Variants in BCOR observed in about 807,000 individuals in gnomAD.
BCOR encodes the protein BCL-6 corepressor.
BCOR carries 10 observed loss-of-function variants against 86.7 expected under a neutral mutation model. The ratio of observed to expected loss-of-function variants is 0.12; its 90% CI spans 0.07 to 0.20. The LOEUF (loss-of-function observed/expected upper bound fraction) is 0.20. Ranked by LOEUF, BCOR falls within the 10% of genes least tolerant of loss-of-function variation. The pLI is 1.00. For synonymous variants in BCOR, 611 were observed against 609.0 expected (o/e 1.00, Z -0.05); for missense variants, 1,259 against 1,452.1 (o/e 0.87, Z 2.16).
intron 1 of BCOR, among the ~76,000 whole-genome samples, chrX:40,093,444 T>C (rs536046626): frequency 4.5e-5 from 5 of 111,671 alleles, no homozygotes; most frequent in African/African-American, 1.3e-4. Context: ...TAATGAGTTA[T>C]TTATGTATAG....
chrX:40,094,507 G>C (rs943826540), intron 1 of BCOR, among the ~76,000 whole-genome samples: 1 of 113,112 alleles, frequency 8.8e-6, no homozygotes, highest in Admixed American at 9.2e-5. Context: ...CCCGGCTGCC[G>C]GGGCACAGTC....
Position 40,064,316 on chromosome X carries a change from G to A in BCOR, c.3502+20C>T, listed in dbSNP as rs201796813. ...CAAAGGCCCACCCCCCGGCAGGCGG[G>A]CGAAGCAGACAGGGCTCACCTTTAG... On this transcript the variant is annotated intron_variant, in intron 7 of 14. Coordinates refer to ENST00000378444, the MANE Select transcript of BCOR (RefSeq NM_001123385.2). 11 of 1,210,941 alleles carry A rather than the reference G, an allele frequency of 9.1e-6. No individual in the cohort carries two copies. The highest frequency in any genetic ancestry group is 5.2e-5 in the African/African-American group (3 of 57,611).
intron 1 of BCOR, among the ~76,000 whole-genome samples, chrX:40,172,323 C>T (rs1938642449): frequency 8.9e-6 from 1 of 112,441 alleles, no homozygotes; most frequent in Non-Finnish European, 1.9e-5. Context: ...CAGGTCCTCG[C>T]CAGCAGCCGT....
At chrX:40,080,382 G>A (rs1230320927) in intron 1 of BCOR, among the ~76,000 whole-genome samples, 3 of 110,837 alleles carry the variant, frequency 2.7e-5, no homozygotes, top group Admixed American at 9.5e-5. Context: ...TGGAGGTTGC[G>A]GTGAGCCGAG....
Position 40,074,085 on chromosome X carries a change from C to G in BCOR, c.1261G>C (p.Gly421Arg). Residue 421 changes from glycine to arginine, a missense_variant, in exon 4 of 15, where the codon GGC becomes CGC. Transcript: ENST00000378444. ...RKTAVQDRKDGSSPPLLEKQT... is the reference protein window; with the variant it reads ...RKTAVQDRKDRSSPPLLEKQT... ...TTCTCCAACAGAGGAGGTGAGCTGC[C>G]ATCTTTTCTGTCTTGAACCGCTGTC... is the stretch of plus-strand genomic sequence containing the variant. The G allele has an allele frequency of 8.3e-7, 1 of 1,212,030 alleles. No homozygotes were observed. Among genetic ancestry groups the G allele is most frequent in the Non-Finnish European group, 1.1e-6 (1 of 895,579 alleles).
chrX:40,113,804 CT>C (rs771435334), intron 1 of BCOR, among the ~76,000 whole-genome samples: 2 of 102,808 alleles, frequency 1.9e-5, no homozygotes, highest in Non-Finnish European at 3.8e-5. Context: ...ATGCCTAATA[CT>C]TTTTTTTTCT....
intron 14 of BCOR, among the ~76,000 whole-genome samples, chrX:40,052,705 C>T (rs1934384024): frequency 9.2e-6 from 1 of 109,218 alleles, no homozygotes; most frequent in African/African-American, 3.3e-5. Context: ...GCTGGGACTA[C>T]AGGGGCCCGC....
rs149566279 is a variant in BCOR at position 40,166,373 on chromosome X, G to A, written c.-41+10634C>T. On this transcript the variant is annotated intron_variant, in intron 1 of 14. Transcript: ENST00000342274. ...TCCATCATCACTGCCCCTTCACCCC[G>A]GCTCTATTTCCTAGCCCCTCTGGTT... Among the ~76,000 whole-genome samples the A allele has an allele frequency of 8.9e-4, 100 of 111,962 alleles. No individual in the cohort carries two copies. The South Asian group carries it at 0.012, about 13-fold the overall frequency.
chrX:40,109,420 C>G (rs1364055728), intron 1 of BCOR, among the ~76,000 whole-genome samples: 1 of 112,446 alleles, frequency 8.9e-6, no homozygotes, highest in East Asian at 2.8e-4. Flanking sequence ...AGGTGCTGCC[C>G]CTCCCCCACG....
intron 11 of BCOR, among the ~76,000 whole-genome samples, chrX:40,056,099 C>T (rs748768254): frequency 1.4e-4 from 15 of 109,719 alleles, no homozygotes; most frequent in Non-Finnish European, 1.7e-4. Context: ...GGATTACAGG[C>T]AAGAGAGCCA....
intron 1 of BCOR, among the ~76,000 whole-genome samples, chrX:40,126,027 T>C (rs1233267060): frequency 3.5e-4 from 37 of 106,266 alleles, no homozygotes; most frequent in Non-Finnish European, 4.8e-4. Context: ...CTGGCCAACA[T>C]GGTGAAACCC....
At chrX:40,087,226 C>T (rs1424181690) in intron 1 of BCOR, among the ~76,000 whole-genome samples, 2 of 113,020 alleles carry the variant, frequency 1.8e-5, no homozygotes, top group Non-Finnish European at 1.9e-5. Context: ...TCCTGTCTTT[C>T]GGAAATTGCC....
At chrX:40,117,047 T>G (rs1308873403) in intron 1 of BCOR, among the ~76,000 whole-genome samples, 2 of 112,420 alleles carry the variant, frequency 1.8e-5, no homozygotes, top group Non-Finnish European at 3.8e-5. Context: ...AAGATCAGTT[T>G]CCAAGATAAT....
In BCOR at chrX:40,062,395, T is replaced by C. The variant is rs2147019157; in HGVS notation, c.4174-2A>G. 8.3e-7 allele frequency: 1 copy of C among 1,202,861 alleles called. No individual in the cohort carries two copies. The highest frequency in any genetic ancestry group is 1.1e-6 in the Non-Finnish European group (1 of 891,276). ...CTTTCTGAATCTCCGGACAGTCACC[T>C]ATCATAAAACCAAGCAGCGCACACG... On this transcript the variant is annotated splice_acceptor_variant, in intron 9 of 14. Transcript: ENST00000378444. LOFTEE classifies it high-confidence loss of function.
intron 6 of BCOR, among the ~76,000 whole-genome samples, chrX:40,070,654 C>G (rs55874408): frequency 0.014 from 1,518 of 111,916 alleles, 24 homozygotes; most frequent in African/African-American, 0.048. Context: ...ACTGTCACCA[C>G]AGGGGTGGGG....
chrX:40,069,519 G>A (rs1251805179), intron 6 of BCOR, among the ~76,000 whole-genome samples: 1 of 112,576 alleles, frequency 8.9e-6, no homozygotes, highest in Non-Finnish European at 1.9e-5. Context: ...CACAGCAAGG[G>A]CAAGAAGGCT....
At chrX:40,115,833 G>A (rs987875597) in intron 1 of BCOR, among the ~76,000 whole-genome samples, 6 of 109,786 alleles carry the variant, frequency 5.5e-5, no homozygotes, top group African/African-American at 2.0e-4. Context: ...TTCCTCCCCA[G>A]AACAAATAGA....
intron 1 of BCOR, among the ~76,000 whole-genome samples, chrX:40,092,844 T>G (rs925936349): frequency 1.8e-5 from 2 of 112,362 alleles, no homozygotes; most frequent in Non-Finnish European, 3.8e-5. Context: ...AAAGACACAT[T>G]ATTTCCCTGT....
At chrX:40,064,899 G>A (rs1011579733) in intron 6 of BCOR, among the ~76,000 whole-genome samples, 19 of 111,981 alleles carry the variant, frequency 1.7e-4, no homozygotes, top group Non-Finnish European at 2.8e-4. Flanking sequence ...AAGATGGGGC[G>A]TCAATGCTAC....
Sources: allele counts gnomAD v4.1 joint callset (sites outside exome capture counted in the v4.1 genomes callset), GRCh38; gene constraint gnomAD v4.1.1; transcripts MANE v1.5; gene names NCBI Gene and HGNC (gene_info 2026-07-23, HGNC 2026-07-21).